GBF1: variants seen among roughly 807,000 people sequenced by gnomAD.
The protein encoded by GBF1 is Golgi-specific brefeldin A-resistance guanine nucleotide exchange factor 1.
A neutral mutation model predicts 210.5 loss-of-function variants in GBF1; 114 were observed. The ratio of observed to expected loss-of-function variants is 0.54; its 90% CI spans 0.47 to 0.63. The LOEUF (loss-of-function observed/expected upper bound fraction) is 0.63. GBF1 is among the 30% of genes least tolerant of loss of function. The pLI is 0.00. For missense variants in GBF1, 1,851 were observed against 2,357.7 expected, an observed-to-expected ratio of 0.79 and a Z score of 4.45; for synonymous variants, 850 against 889.2, an observed-to-expected ratio of 0.96 and a Z score of 0.78.
chr10:102,307,586 T>C (rs575641516), intron 3 of GBF1, among the ~76,000 whole-genome samples: 3 of 152,070 alleles, frequency 2.0e-5, no homozygotes, highest in East Asian at 3.9e-4. Context: ...GTCAGGAGAT[T>C]GAGACCATCC....
chr10:102,230,794 G>C, the GBF1 span: 5 of 1,549,304 alleles, frequency 3.2e-6, no homozygotes, highest in Non-Finnish European at 4.4e-6. Context: ...CCCAGGCCCT[G>C]GCACGGTGCC....
At chr10:102,321,015 C>T (rs961682222) in intron 3 of GBF1, among the ~76,000 whole-genome samples, 13 of 152,012 alleles carry the variant, frequency 8.6e-5, no homozygotes, top group African/African-American at 2.9e-4. Context: ...AAGCTGGTCT[C>T]AAACTCCTGA....
chr10:102,242,566 G>C (rs912798694), upstream of GBF1, among the ~76,000 whole-genome samples: 1 of 152,134 alleles, frequency 6.6e-6, no homozygotes, highest in African/African-American at 2.4e-5. Flanking sequence ...TCTGACTTAG[G>C]CCTCAATTTC....
chr10:102,274,698 GATT>G (rs2074762388), intron 3 of GBF1, among the ~76,000 whole-genome samples: 1 of 79,950 alleles, frequency 1.3e-5, no homozygotes, highest in African/African-American at 5.0e-5. Context: ...GCAAAACAAA[GATT>G]TTTTTTTTTT....
At chr10:102,284,602 C>A (rs187182122) in intron 3 of GBF1, among the ~76,000 whole-genome samples, 30 of 152,216 alleles carry the variant, frequency 2.0e-4, no homozygotes, top group African/African-American at 6.7e-4. Context: ...CACTTCAATT[C>A]TTTTTAGGAT....
intron 3 of GBF1, among the ~76,000 whole-genome samples, chr10:102,310,952 A>G (rs1173233276): frequency 6.6e-6 from 1 of 152,242 alleles, no homozygotes; most frequent in African/African-American, 2.4e-5. Flanking sequence ...TCCTGTGTAC[A>G]TGATGGCCTG....
intron 1 of GBF1, among the ~76,000 whole-genome samples, chr10:102,254,069 T>A (rs1299077092): frequency 2.0e-5 from 3 of 152,350 alleles, no homozygotes; most frequent in Non-Finnish European, 4.4e-5. Context: ...ATTAGTTATA[T>A]GTGCCTCAAA....
intron 3 of GBF1, among the ~76,000 whole-genome samples, chr10:102,342,624 G>C (rs1313360120): frequency 1.3e-5 from 2 of 151,988 alleles, no homozygotes; most frequent in African/African-American, 4.8e-5. Flanking sequence ...AGGGAGGAGT[G>C]GGGGTGGTAG....
the GBF1 span, chr10:102,231,060 C>A: frequency 6.4e-7 from 1 of 1,573,434 alleles, no homozygotes; most frequent in Non-Finnish European, 8.6e-7. Flanking sequence ...GCTGGCTGCG[C>A]TCGCGCTTCC....
chr10:102,304,894 C>T (rs2077703223), intron 3 of GBF1, among the ~76,000 whole-genome samples: 1 of 151,014 alleles, frequency 6.6e-6, no homozygotes, highest in Non-Finnish European at 1.5e-5. Flanking sequence ...AGCCTGTAGT[C>T]CCAGCTACTC....
intron 3 of GBF1, among the ~76,000 whole-genome samples, chr10:102,335,774 G>A (rs1046498447): frequency 2.8e-4 from 43 of 152,248 alleles, no homozygotes; most frequent in African/African-American, 9.9e-4. Flanking sequence ...TTGGCATGGC[G>A]CAGGTAATAA....
rs181147832 is a variant in GBF1 at position 102,247,299 on chromosome 10, G to A, written c.-11+1518G>A. Among the ~76,000 whole-genome samples, 154 of 152,256 alleles carry A rather than the reference G, an allele frequency of 1.0e-3. 1 individual carries two copies. Among genetic ancestry groups the A allele is most frequent in the South Asian group, 3.5e-3 (17 of 4,824 alleles). On this transcript the variant is annotated intron_variant, in intron 1 of 39. Coordinates refer to ENST00000369983, the MANE Select transcript of GBF1 (RefSeq NM_001377137.1). ...ATTGAAATTTTTGTGTGTGTTGGGA[G>A]AAGGGGGATGGCATTATTTATGCTT...
chr10:102,326,155 A>G (rs1322533166), intron 3 of GBF1, among the ~76,000 whole-genome samples: 9 of 152,214 alleles, frequency 5.9e-5, no homozygotes, highest in Admixed American at 1.3e-4. Flanking sequence ...TTTGAACGCT[A>G]TCTGAGTTCT....
intron 13 of GBF1, 70 bp from the exon 14 acceptor site, chr10:102,361,648 T>C: frequency 9.5e-7 from 1 of 1,053,886 alleles, no homozygotes; most frequent in Non-Finnish European, 1.4e-6. Context: ...ATGTTTTTCC[T>C]GTCTAATTTT....
At chr10:102,379,712 G>A in intron 35 of GBF1, 61 bp downstream of exon 35, 3 of 1,578,228 alleles carry the variant, frequency 1.9e-6, no homozygotes, top group Non-Finnish European at 2.6e-6. Flanking sequence ...AAGCCAGGCA[G>A]CCTGAAGAGC....
At chr10:102,325,577 A>G (rs1030972047) in intron 3 of GBF1, among the ~76,000 whole-genome samples, 60 of 151,850 alleles carry the variant, frequency 4.0e-4, no homozygotes, top group African/African-American at 1.2e-3. Flanking sequence ...GAAAGAAAAA[A>G]TGCTGAGAAG....
the GBF1 span, among the ~76,000 whole-genome samples, chr10:102,233,605 G>C: frequency 6.6e-6 from 1 of 151,896 alleles, no homozygotes; most frequent in Non-Finnish European, 1.5e-5. Context: ...TGCCCAGCCT[G>C]TTTTGTTTAT....
intron 6 of GBF1, among the ~76,000 whole-genome samples, chr10:102,352,174 T>TCACCCTC (rs1209996939): frequency 3.9e-5 from 6 of 152,200 alleles, no homozygotes; most frequent in Non-Finnish European, 4.4e-5. Context: ...GGATCCCAGA[T>TCACCCTC]TGACTTAGCC....
At chr10:102,277,509 G>T (rs1166737659) in intron 3 of GBF1, among the ~76,000 whole-genome samples, 3 of 151,466 alleles carry the variant, frequency 2.0e-5, no homozygotes, top group Non-Finnish European at 4.4e-5. Flanking sequence ...CTCCTGAGTA[G>T]CTAGGATTAC....
Sources: gnomAD v4.1 joint callset for allele counts (sites outside exome capture counted in the v4.1 genomes callset) on GRCh38, gnomAD v4.1.1 for gene constraint, MANE v1.5 for transcripts, NCBI Gene and HGNC (gene_info 2026-07-23, HGNC 2026-07-21) for gene names.